ODAD3: variants seen among roughly 807,000 people sequenced by gnomAD.
ODAD3 encodes the protein outer dynein arm-docking complex subunit 3.
A neutral mutation model predicts 70.9 loss-of-function variants in ODAD3; 57 were observed. The ratio of observed to expected loss-of-function variants is 0.80; its 90% CI spans 0.65 to 1.00. The LOEUF is 1.00. Ranked by LOEUF, ODAD3 falls within the 50% of genes least tolerant of loss-of-function variation. The pLI, the probability that ODAD3 is intolerant of heterozygous loss-of-function variation, is 0.00. For synonymous variants in ODAD3, 327 were observed against 315.9 expected, an observed-to-expected ratio of 1.04 and a Z score of -0.37; for missense variants, 797 against 763.9, an observed-to-expected ratio of 1.04 and a Z score of -0.51.
chr19:11,425,151 GTATATA>G (rs1225675839), intron 7 of ODAD3, among the ~76,000 whole-genome samples: 1 of 125,974 alleles, frequency 7.9e-6, no homozygotes, highest in African/African-American at 3.6e-5. Flanking sequence ...ATGTACATAT[GTATATA>G]TACATATGTG....
chr19:11,422,692 G>C lies in ODAD3; in HGVS notation c.1277+9C>G. On this transcript the variant is annotated intron_variant, in intron 9 of 12. Transcript: ENST00000356392. The surrounding 1 kb of genome is among the most constrained non-coding windows in gnomAD (Gnocchi z 4.6). ...CCCCGCCGCCCTCCCCAGAGCCCCG[G>C]TGCCTCACCTCACCAGCGTGGCCTC... 1 of 1,611,678 alleles carries C rather than the reference G, an allele frequency of 6.2e-7. No individual in the cohort carries two copies. The highest frequency in any genetic ancestry group is 8.5e-7 in the Non-Finnish European group (1 of 1,179,598).
At chr19:11,423,834 G>A (rs761124499) in intron 8 of ODAD3, 43 bp downstream of exon 8, 1 of 1,407,422 alleles carries the variant, frequency 7.1e-7, no homozygotes, top group Non-Finnish European at 9.6e-7. Flanking sequence ...CCCGTCTGGG[G>A]TGGGGGGGGG....
At chr19:11,424,654 T>C (rs1337244808) in intron 7 of ODAD3, among the ~76,000 whole-genome samples, 1 of 99,328 alleles carries the variant, frequency 1.0e-5, no homozygotes, top group South Asian at 3.1e-4. Flanking sequence ...TATATACCTA[T>C]GTGTATATAT....
rs1243748093 is a variant in ODAD3, at chr19:11,422,729, T to C, written c.1249A>G (p.Lys417Glu). ...ACCAGCGTGGCCTCCCCCGAGTACT[T>C]GAGGTCTTCCAGCTCCCGCTGCAGT... ...QQLQRELEDL[K>E]YSGEATLVSQ... The change falls in exon 9 of 13, where the codon AAG (lysine) becomes GAG (glutamate). Residue 417 changes from lysine (K) to glutamate (E), a missense_variant. Lys to Glu is a moderately conservative substitution (Grantham distance 56). Transcript: ENST00000356392. This position sits in a 1 kb window ranked among gnomAD's most constrained non-coding sequence, Gnocchi z 4.6. The C allele has an allele frequency of 1.2e-6, 2 of 1,612,630 alleles. No individual in the cohort carries two copies. Among genetic ancestry groups the C allele is most frequent in the Admixed American group, 3.3e-5 (2 of 60,000 alleles).
chr19:11,424,624 T>C (rs1299405574), intron 7 of ODAD3, among the ~76,000 whole-genome samples: 1 of 122,388 alleles, frequency 8.2e-6, no homozygotes, highest in African/African-American at 4.0e-5. Flanking sequence ...TACCTATGTG[T>C]ATATATGTAT....
Position 11,421,695 on chromosome 19 carries a change from G to A in ODAD3, c.1572C>T (p.Cys524=). 1 of 1,612,912 alleles carries A rather than the reference G, an allele frequency of 6.2e-7. No homozygotes were observed. ...LQGHDVQEML[C]HIANREFLAS... is the part of the protein sequence containing the mutation. ...AGGGCACCTCGCGGTTAGCGATGTG[G>A]CACAGCATCTCCTGCACGTCGTGGC... Residue 524 remains cysteine (C), a synonymous_variant, in exon 11 of 13, where the codon TGC becomes TGT. Transcript: ENST00000356392.
chr19:11,434,183 A>G (rs569180014), intron 1 of ODAD3, among the ~76,000 whole-genome samples: 1 of 136,086 alleles, frequency 7.3e-6, no homozygotes, highest in African/African-American at 2.8e-5. Flanking sequence ...ACTGCTCTCC[A>G]GCCTAGGCGA....
In ODAD3 at chr19:11,430,861, C is replaced by T. The variant is rs372767828; in HGVS notation, c.366+38G>A. On this transcript the variant is annotated intron_variant, in intron 2 of 12. Transcript: ENST00000356392. ...TACCTACTTGTCCCCCACCATCCAC[C>T]GCCACGGGAACCCTACACCCACCCC... 44 of 1,613,830 alleles carry T rather than the reference C, an allele frequency of 2.7e-5. No individual in the cohort carries two copies. In the East Asian group the frequency reaches 3.1e-4, roughly 11 times the overall value.
chr19:11,425,306 T>A (rs906224784), intron 7 of ODAD3, among the ~76,000 whole-genome samples: 1 of 127,964 alleles, frequency 7.8e-6, no homozygotes, highest in Non-Finnish European at 1.6e-5. Flanking sequence ...TATATGTGTA[T>A]GTGTACATAT....
chr19:11,427,358 A>G (rs1012964203), intron 3 of ODAD3, among the ~76,000 whole-genome samples: 5 of 150,188 alleles, frequency 3.3e-5, no homozygotes, highest in Non-Finnish European at 5.9e-5. Context: ...GCTGTGGTGC[A>G]ATCTCGGCTC....
At chr19:11,427,706 G>A (rs949756587) in intron 3 of ODAD3, among the ~76,000 whole-genome samples, 1 of 151,896 alleles carries the variant, frequency 6.6e-6, no homozygotes, top group East Asian at 1.9e-4. Flanking sequence ...GGTCTCAAAC[G>A]CCTGACTTCA....
intron 11 of ODAD3, 62 bp from the exon 12 acceptor site, chr19:11,421,274 C>G (rs933661120): frequency 2.8e-6 from 4 of 1,452,736 alleles, no homozygotes; most frequent in Non-Finnish European, 2.8e-6. Context: ...CGAGAAGTCA[C>G]GTTCCCCCTC....
chr19:11,435,551 C>G (rs375218728), upstream of ODAD3: 6 of 619,364 alleles, frequency 9.7e-6, no homozygotes, highest in African/African-American at 1.9e-5. Context: ...CCACTCCTGC[C>G]TCTCCCAACA....
intron 8 of ODAD3, among the ~76,000 whole-genome samples, 163 bp downstream of exon 8, chr19:11,423,713 AG>A (rs1969194981): frequency 6.6e-6 from 1 of 151,194 alleles, no homozygotes; most frequent in Admixed American, 6.6e-5. Flanking sequence ...CGGTAGCTGG[AG>A]GGGGAAGGGA....
intron 3 of ODAD3, among the ~76,000 whole-genome samples, chr19:11,428,423 G>A (rs1455507139): frequency 6.6e-6 from 1 of 151,818 alleles, no homozygotes; most frequent in Non-Finnish European, 1.5e-5. Context: ...TTGTATTTTT[G>A]GTAGAGACAG....
chr19:11,428,861 T>TTTTTTTTATTTATTTA (rs1555723480), intron 3 of ODAD3, among the ~76,000 whole-genome samples: 1 of 135,686 alleles, frequency 7.4e-6, no homozygotes, highest in African/African-American at 3.0e-5. Context: ...GTGTTTTATT[T>TTTTTTTTATTTATTTA]TTTATTTATT....
chr19:11,425,787 G>A lies in ODAD3; in HGVS notation c.963+357C>T, dbSNP rs1261259781. Among the ~76,000 whole-genome samples the A allele has an allele frequency of 9.9e-5, 15 of 151,606 alleles. No homozygotes were observed. In the Admixed American group the frequency reaches 9.9e-4, roughly 10 times the overall value. ...CAGCCTCAGGGCAGGTGCAGGGGCG[G>A]GGCCAAGAGTGAGGGGGCAGGGCCT... On this transcript the variant is annotated intron_variant, in intron 7 of 12. Coordinates refer to ENST00000356392, the MANE Select transcript of ODAD3 (RefSeq NM_145045.5).
rs919426169 is a variant in ODAD3 at position 11,425,187 on chromosome 19, A to G, written c.963+957T>C. Among the ~76,000 whole-genome samples, 96 of 133,444 alleles carry G rather than the reference A, an allele frequency of 7.2e-4. 9 individuals are homozygous for G. In the East Asian group the frequency reaches 8.3e-3, roughly 12 times the overall value. The allele number at this position is 133,444 out of a possible 152,430, so 87.5% of individuals were successfully genotyped here. A position where few individuals can be genotyped will look rare whatever the true frequency, so the allele number is the denominator to read the frequency against. On this transcript the variant is annotated intron_variant, in intron 7 of 12. Coordinates refer to ENST00000356392, the MANE Select transcript of ODAD3 (RefSeq NM_145045.5). ...TATGTGTATATGTACATATGTGTAT[A>G]TATACATATGTGTATGTGTACATAT...
At chr19:11,421,267 G>T in intron 11 of ODAD3, 55 bp from the exon 12 acceptor site, 2 of 1,506,696 alleles carry the variant, frequency 1.3e-6, no homozygotes, top group South Asian at 1.2e-5. Context: ...GGGCCACCGA[G>T]AAGTCACGTT....
Sources: gnomAD v4.1 joint callset for allele counts (sites outside exome capture counted in the v4.1 genomes callset) on GRCh38, gnomAD v4.1.1 for gene constraint, Gnocchi (gnomAD v3.1) non-coding constraint, MANE v1.5 for transcripts, NCBI Gene and HGNC (gene_info 2026-07-23, HGNC 2026-07-21) for gene names.